Variants in RBFOX2 observed in about 807,000 individuals in gnomAD.
The protein encoded by RBFOX2 is RNA binding protein fox-1 homolog 2.
A neutral mutation model predicts 49.1 loss-of-function variants in RBFOX2; 10 were observed. The ratio of observed to expected loss-of-function variants is 0.20; its 90% CI spans 0.13 to 0.35. The LOEUF is 0.35. RBFOX2 is among the 10% of genes least tolerant of loss of function. The probability of loss-of-function intolerance (pLI) is 1.00; values close to 1 mark genes in which losing one functional copy is unlikely to be tolerated. For missense variants in RBFOX2, 323 were observed against 486.9 expected, an observed-to-expected ratio of 0.66 and a Z score of 3.17; for synonymous variants, 183 against 187.4, an observed-to-expected ratio of 0.98 and a Z score of 0.19.
intron 1 of RBFOX2, among the ~76,000 whole-genome samples, chr22:35,928,748 C>G (rs986703703): frequency 1.3e-5 from 2 of 151,974 alleles, no homozygotes; most frequent in African/African-American, 4.8e-5. Context: ...TCTTACAACT[C>G]AATAAGAAGA....
At chr22:35,858,802 G>T (rs1039942089) in intron 1 of RBFOX2, among the ~76,000 whole-genome samples, 5 of 149,168 alleles carry the variant, frequency 3.4e-5, no homozygotes, top group African/African-American at 1.2e-4. Flanking sequence ...CTCCAGCCTG[G>T]GCAACAAGAG....
At chr22:35,986,217 T>C (rs562109115) in intron 1 of RBFOX2, among the ~76,000 whole-genome samples, 3 of 152,212 alleles carry the variant, frequency 2.0e-5, no homozygotes, top group South Asian at 2.1e-4. Flanking sequence ...ACACCCCACA[T>C]AGCACAAAGC....
At chr22:35,902,884 G>T (rs1201971239) in intron 1 of RBFOX2, among the ~76,000 whole-genome samples, 1 of 151,426 alleles carries the variant, frequency 6.6e-6, no homozygotes, top group African/African-American at 2.4e-5. Flanking sequence ...TTGAATTCCT[G>T]GGTTCAAGCA....
intron 2 of RBFOX2, among the ~76,000 whole-genome samples, chr22:35,795,914 T>C (rs1021815578): frequency 2.6e-5 from 4 of 152,236 alleles, no homozygotes; most frequent in African/African-American, 9.6e-5. Context: ...GAGAGCCTTC[T>C]GTTCCAACTA....
At chr22:35,756,198 C>A in intron 9 of RBFOX2, 54 bp from the exon 11 acceptor site, 2 of 1,467,630 alleles carry the variant, frequency 1.4e-6, no homozygotes, top group Non-Finnish European at 1.8e-6. Context: ...AACAGAAACA[C>A]ATTCCGGTTA....
upstream of RBFOX2, among the ~76,000 whole-genome samples, chr22:35,843,299 T>A (rs1388541769): frequency 6.6e-6 from 1 of 152,152 alleles, no homozygotes; most frequent in Non-Finnish European, 1.5e-5. Context: ...CACGATGAGA[T>A]GTCAGCTAAT....
At chr22:35,773,221 A>G (rs1440896658) in intron 4 of RBFOX2, among the ~76,000 whole-genome samples, 1 of 152,084 alleles carries the variant, frequency 6.6e-6, no homozygotes, top group Non-Finnish European at 1.5e-5. Flanking sequence ...AAAGAAATAA[A>G]TAATTTCCCT....
intron 4 of RBFOX2, among the ~76,000 whole-genome samples, chr22:35,773,740 A>G (rs1943247086): frequency 1.3e-5 from 2 of 152,050 alleles, no homozygotes; most frequent in African/African-American, 4.8e-5. Flanking sequence ...ATTTTGGCAA[A>G]AACTTATAGA....
chr22:35,958,425 G>T (rs2055834087), intron 1 of RBFOX2, among the ~76,000 whole-genome samples: 2 of 152,134 alleles, frequency 1.3e-5, no homozygotes, highest in Admixed American at 1.3e-4. Context: ...TATATGCTTT[G>T]AGTTCACAAT....
upstream of RBFOX2, among the ~76,000 whole-genome samples, chr22:35,844,417 C>CAATATTA (rs2040899517): frequency 6.6e-6 from 1 of 152,158 alleles, no homozygotes; most frequent in African/African-American, 2.4e-5. Flanking sequence ...TGAAGAGCAC[C>CAATATTA]TATGTAGTTA....
chr22:36,018,860 C>T (rs945015068), intron 1 of RBFOX2, among the ~76,000 whole-genome samples: 7 of 152,020 alleles, frequency 4.6e-5, no homozygotes, highest in Non-Finnish European at 8.8e-5. Context: ...GTCATCTGCC[C>T]GCCTCAGCCT....
At chr22:35,809,846 G>A (rs772094172) in exon 2 of RBFOX2, 101 of 1,614,000 alleles carry the variant, frequency 6.3e-5, no homozygotes, top group Non-Finnish European at 7.5e-5. Context: ...GCGTACTTCC[G>A]TAGAGTGTCA....
In RBFOX2 at chr22:35,928,671, A is replaced by G. The variant is rs896681699; in HGVS notation, c.-34+10176T>C. ...GAAGATACATATTACAAAACCTCAT[A>G]ACTGAGAACAAATATTTGCAAATTG... is the stretch of plus-strand genomic sequence containing the variant. On this transcript the variant is annotated intron_variant, in intron 1 of 13. Transcript: ENST00000359369. Among the ~76,000 whole-genome samples the G allele has an allele frequency of 3.3e-5, 5 of 152,208 alleles. No homozygotes were observed. In the East Asian group the frequency reaches 7.7e-4, roughly 23 times the overall value.
intron 2 of RBFOX2, among the ~76,000 whole-genome samples, chr22:35,791,246 G>A (rs1350271848): frequency 6.6e-6 from 1 of 151,778 alleles, no homozygotes; most frequent in African/African-American, 2.4e-5. Context: ...TTAGCCAGGC[G>A]TGGTGGCGGG....
intron 1 of RBFOX2, among the ~76,000 whole-genome samples, chr22:36,011,604 C>G (rs1392718561): frequency 6.6e-6 from 1 of 152,096 alleles, no homozygotes; most frequent in African/African-American, 2.4e-5. Context: ...ATTACGTAGG[C>G]ACTGTCTCTA....
rs113871902 is a variant in RBFOX2 at position 35,979,654 on chromosome 22, T to C, written c.187-40757A>G. Among the ~76,000 whole-genome samples, 346 of 152,288 alleles carry C rather than the reference T, an allele frequency of 2.3e-3. 1 individual carries two copies. The highest frequency in any genetic ancestry group is 8.2e-3 in the African/African-American group (340 of 41,564). On this transcript the variant is annotated intron_variant, in intron 1 of 13. Coordinates refer to the RBFOX2 transcript ENST00000438146. ...AGAAAATCCAGGAGTTTGGGGTGTT[T>C]TGTGGGTTGTTAGCTGCTCTGGTAA... is the stretch of plus-strand genomic sequence containing the variant.
At chr22:36,028,455 C>G (rs2146645933) in exon 1 of RBFOX2, 1 of 1,172,086 alleles carries the variant, frequency 8.5e-7, no homozygotes, top group East Asian at 3.9e-5. Context: ...CTCCGGGAGC[C>G]GGGCGACCCG....
intron 1 of RBFOX2, among the ~76,000 whole-genome samples, chr22:35,976,549 G>C (rs1603461002): frequency 6.6e-6 from 1 of 152,046 alleles, no homozygotes; most frequent in African/African-American, 2.4e-5. Flanking sequence ...TTTTATATAT[G>C]AAACAAGCCA....
At chr22:35,871,015 T>C (rs556968523) in intron 1 of RBFOX2, among the ~76,000 whole-genome samples, 12 of 151,818 alleles carry the variant, frequency 7.9e-5, no homozygotes, top group African/African-American at 1.2e-4. Flanking sequence ...CTTTTGAAAC[T>C]GCCCACTTAA....
Sources: allele counts gnomAD v4.1 joint callset (sites outside exome capture counted in the v4.1 genomes callset), GRCh38; gene constraint gnomAD v4.1.1; transcripts MANE v1.5; gene names NCBI Gene and HGNC (gene_info 2026-07-23, HGNC 2026-07-21).